Variants in OR9Q1 observed in about 807,000 individuals in gnomAD.
OR9Q1 encodes the protein olfactory receptor family 9 subfamily Q member 1.
For missense variants in OR9Q1, 374 were observed against 378.8 expected, an observed-to-expected ratio of 0.99 and a Z score of 0.11; for synonymous variants, 153 against 148.6, an observed-to-expected ratio of 1.03 and a Z score of -0.22.
chr11:58,108,991 G>C (rs779489777), intron 2 of OR9Q1: 8 of 411,138 alleles, frequency 1.9e-5, no homozygotes, highest in Non-Finnish European at 3.0e-5. Flanking sequence ...CCTCAAAATG[G>C]CTCTGATAAT....
At chr11:58,125,799 C>T (rs530109894) in intron 2 of OR9Q1, among the ~76,000 whole-genome samples, 3 of 152,268 alleles carry the variant, frequency 2.0e-5, no homozygotes, top group South Asian at 2.1e-4. Flanking sequence ...CATGAAAACT[C>T]GTAAGCCTTG....
chr11:58,151,919 G>T (rs1278916983), intron 2 of OR9Q1, among the ~76,000 whole-genome samples: 1 of 152,090 alleles, frequency 6.6e-6, no homozygotes, highest in African/African-American at 2.4e-5. Context: ...TAAGGGAATT[G>T]GGGTAGAAAG....
intron 2 of OR9Q1, among the ~76,000 whole-genome samples, chr11:58,069,468 G>GC (rs1034479657): frequency 6.6e-6 from 1 of 152,070 alleles, no homozygotes; most frequent in Non-Finnish European, 1.5e-5. Flanking sequence ...CTGGTTCCTT[G>GC]CCCTGAGTAC....
At chr11:58,053,361 C>T (rs1853287094) in intron 1 of OR9Q1, among the ~76,000 whole-genome samples, 1 of 147,050 alleles carries the variant, frequency 6.8e-6, no homozygotes, top group Middle Eastern at 3.5e-3. Context: ...AAAAACCAAA[C>T]ACCACATGTT....
chr11:58,161,816 G>A (rs1854460371), intron 2 of OR9Q1, among the ~76,000 whole-genome samples: 1 of 152,208 alleles, frequency 6.6e-6, no homozygotes, highest in African/African-American at 2.4e-5. Flanking sequence ...ACAGGCGTGA[G>A]CCACCGCACC....
intron 2 of OR9Q1, among the ~76,000 whole-genome samples, chr11:58,113,495 C>T (rs902718870): frequency 1.3e-5 from 2 of 152,220 alleles, no homozygotes; most frequent in Admixed American, 1.3e-4. Context: ...ATTGTACTCT[C>T]TCTTCCTGTA....
chr11:58,097,335 C>A lies in OR9Q1; in HGVS notation c.-15+41388C>A, dbSNP rs1597627. 5.3e-5 allele frequency among the ~76,000 whole-genome samples: 8 copies of A among 152,264 alleles called. No homozygotes were observed. The East Asian group carries it at 1.5e-3, about 29-fold the overall frequency. ...GCCTTTTTGAATGAGTATGTGCATT[C>A]ATTTCTCTTGCATATATACTAAGGA... On this transcript the variant is annotated intron_variant, in intron 2 of 2. Coordinates refer to ENST00000335397, the MANE Select transcript of OR9Q1 (RefSeq NM_001005212.4).
intron 2 of OR9Q1, among the ~76,000 whole-genome samples, chr11:58,174,941 A>G (rs1252900250): frequency 1.3e-5 from 2 of 151,300 alleles, no homozygotes; most frequent in Non-Finnish European, 2.9e-5. Flanking sequence ...TCACGACTCT[A>G]CTAGAAATAA....
chr11:58,147,773 T>A (rs1854312960), intron 2 of OR9Q1, among the ~76,000 whole-genome samples: 1 of 152,174 alleles, frequency 6.6e-6, no homozygotes, highest in Non-Finnish European at 1.5e-5. Flanking sequence ...AATAAATGAA[T>A]AAAAACATTC....
intron 2 of OR9Q1, among the ~76,000 whole-genome samples, chr11:58,063,545 G>GA (rs1853400157): frequency 6.6e-6 from 1 of 152,156 alleles, no homozygotes; most frequent in Admixed American, 6.5e-5. Flanking sequence ...TATTGCAGAA[G>GA]AAAAAAAGCA....
chr11:58,039,945 C>G (rs1470447427), intron 1 of OR9Q1, among the ~76,000 whole-genome samples: 1 of 152,212 alleles, frequency 6.6e-6, no homozygotes, highest in Non-Finnish European at 1.5e-5. Context: ...GTGCCAGGTA[C>G]TTTCCTAAAT....
At chr11:58,039,403 A>G (rs1853138224) in intron 1 of OR9Q1, among the ~76,000 whole-genome samples, 1 of 152,210 alleles carries the variant, frequency 6.6e-6, no homozygotes, top group Non-Finnish European at 1.5e-5. Context: ...TTTGGTAGGA[A>G]CTTAAAATGA....
chr11:58,116,678 T>C (rs1694078116), intron 2 of OR9Q1: 1 of 152,202 alleles, frequency 6.6e-6, no homozygotes, highest in Admixed American at 6.5e-5. Context: ...GGTTTTCTAT[T>C]CTGAATCTCT....
chr11:58,116,971 T>C (rs939723862), intron 2 of OR9Q1: 4 of 152,222 alleles, frequency 2.6e-5, no homozygotes, highest in African/African-American at 9.6e-5. Context: ...TCCAGGTAAG[T>C]ACTCGTTTGT....
chr11:58,102,146 C>G (rs889556181), intron 2 of OR9Q1, among the ~76,000 whole-genome samples: 1 of 152,154 alleles, frequency 6.6e-6, no homozygotes, highest in Non-Finnish European at 1.5e-5. Flanking sequence ...CTAGTGTATA[C>G]TTTTTAATTA....
intron 2 of OR9Q1, among the ~76,000 whole-genome samples, chr11:58,132,945 C>G (rs1204417639): frequency 6.6e-6 from 1 of 152,134 alleles, no homozygotes; most frequent in African/African-American, 2.4e-5. Context: ...GGGCAGAGCT[C>G]CAGCTCCTAT....
intron 2 of OR9Q1, among the ~76,000 whole-genome samples, chr11:58,178,588 A>C (rs114591578): frequency 7.6e-4 from 116 of 152,192 alleles, no homozygotes; most frequent in African/African-American, 2.6e-3. Context: ...ACGGAGAAAA[A>C]GGGATAGAGT....
intron 1 of OR9Q1, among the ~76,000 whole-genome samples, chr11:58,030,356 A>G (rs1853019331): frequency 2.6e-5 from 4 of 152,124 alleles, no homozygotes; most frequent in African/African-American, 7.2e-5. Context: ...ATCTTATTCC[A>G]GGAGATGTCA....
intron 2 of OR9Q1, among the ~76,000 whole-genome samples, chr11:58,093,366 A>T (rs2120069411): frequency 6.6e-6 from 1 of 152,342 alleles, no homozygotes; most frequent in East Asian, 1.9e-4. Flanking sequence ...TAAAAGCCTG[A>T]ACAGACATTT....
Sources: gnomAD v4.1 joint callset for allele counts (sites outside exome capture counted in the v4.1 genomes callset) on GRCh38, gnomAD v4.1.1 for gene constraint, MANE v1.5 for transcripts, NCBI Gene and HGNC (gene_info 2026-07-23, HGNC 2026-07-21) for gene names.